ZFR2: variants seen among roughly 807,000 people sequenced by gnomAD.
ZFR2 encodes the protein zinc finger RNA-binding protein 2.
A neutral mutation model predicts 105.7 loss-of-function variants in ZFR2; 104 were observed. The observed-to-expected ratio is 0.98, with a 90% confidence interval of 0.84 to 1.16. The LOEUF (loss-of-function observed/expected upper bound fraction) is 1.16, where lower values mean the gene tolerates loss of function less well. Ranked by LOEUF, ZFR2 falls within the 50% of genes most tolerant of loss-of-function variation. ZFR2 has a pLI of 0.00. For synonymous variants in ZFR2, 634 were observed against 597.7 expected (o/e 1.06, Z -0.89); for missense variants, 1,425 against 1,355.5 (o/e 1.05, Z -0.80).
rs2037921196 is a variant in ZFR2, at chr19:3,823,766, G to C, written c.1214-363C>G. 2.0e-5 allele frequency among the ~76,000 whole-genome samples: 3 copies of C among 152,294 alleles called. No individual in the cohort carries two copies. The South Asian group carries it at 6.2e-4, about 32-fold the overall frequency. ...GTTAGGCGAAATGATGGAGCCTCGGGGGGAGACAAATATCTTTGTTATAAG... is the reference window on the plus strand; with the variant it reads ...GTTAGGCGAAATGATGGAGCCTCGGCGGGAGACAAATATCTTTGTTATAAG... On this transcript the variant is annotated intron_variant, in intron 7 of 18. Coordinates refer to ENST00000262961, the MANE Select transcript of ZFR2 (RefSeq NM_015174.2). The surrounding 1 kb of genome is among the most constrained non-coding windows in gnomAD (Gnocchi z 5.4).
chr19:3,867,304 T>TTTGGG (rs1555762876), intron 1 of ZFR2, among the ~76,000 whole-genome samples: 4 of 149,656 alleles, frequency 2.7e-5, no homozygotes, highest in African/African-American at 9.9e-5. Flanking sequence ...GATCAACTGT[T>TTTGGG]GGGGGGGGAA....
intron 1 of ZFR2, among the ~76,000 whole-genome samples, chr19:3,861,224 G>T (rs1336087377): frequency 6.6e-6 from 1 of 152,140 alleles, no homozygotes; most frequent in Non-Finnish European, 1.5e-5. Flanking sequence ...TACCTTAGGG[G>T]AAAAAAACCT....
chr19:3,829,509 T>G (rs2037989043), intron 5 of ZFR2, among the ~76,000 whole-genome samples: 1 of 151,504 alleles, frequency 6.6e-6, no homozygotes, highest in African/African-American at 2.4e-5. Context: ...TGTTGGTTTT[T>G]GGGGGGTTTT....
intron 1 of ZFR2, among the ~76,000 whole-genome samples, chr19:3,844,174 A>G (rs2038165510): frequency 1.3e-5 from 2 of 152,146 alleles, no homozygotes; most frequent in African/African-American, 4.8e-5. Flanking sequence ...GCACTTATTA[A>G]TAAAACGGTA....
intron 13 of ZFR2, 48 bp from the exon 14 acceptor site, chr19:3,814,006 T>C: frequency 6.2e-7 from 1 of 1,607,894 alleles, no homozygotes; most frequent in Non-Finnish European, 8.5e-7. Flanking sequence ...CAGCCCAGAT[T>C]CATGTGTAAA....
chr19:3,858,555 C>T lies in ZFR2; in HGVS notation c.53+10410G>A, dbSNP rs1331212918. ...GGACTCAGTCAGGTGCAGTGGCTCA[C>T]GCCTATAATCCCAGTGCTTTGGGAG... is the stretch of plus-strand genomic sequence containing the variant. On this transcript the variant is annotated intron_variant, in intron 1 of 18. Coordinates refer to ENST00000262961, the MANE Select transcript of ZFR2 (RefSeq NM_015174.2). The surrounding 1 kb of genome is among the most constrained non-coding windows in gnomAD (Gnocchi z 4.3). Among the ~76,000 whole-genome samples, 4 of 152,230 alleles carry T rather than the reference C, an allele frequency of 2.6e-5. No individual in the cohort carries two copies. The highest frequency in any genetic ancestry group is 4.8e-5 in the African/African-American group (2 of 41,468).
chr19:3,854,595 C>T (rs1338987230), intron 1 of ZFR2, among the ~76,000 whole-genome samples: 2 of 152,136 alleles, frequency 1.3e-5, no homozygotes, highest in Non-Finnish European at 2.9e-5. Flanking sequence ...AGAGAAACCA[C>T]TCAGAGGCTG....
intron 1 of ZFR2, among the ~76,000 whole-genome samples, chr19:3,868,439 G>A (rs1178065557): frequency 4.7e-5 from 7 of 150,292 alleles, no homozygotes; most frequent in Admixed American, 3.3e-4. Context: ...CACCCTCCTA[G>A]GTCTGTGTCT....
chr19:3,819,958 C>T (rs529920196), intron 11 of ZFR2, among the ~76,000 whole-genome samples: 145 of 152,172 alleles, frequency 9.5e-4, no homozygotes, highest in Non-Finnish European at 1.5e-3. Context: ...CCAAGGGAGG[C>T]GACCACCCGG....
At chr19:3,812,629 C>A (rs999723998) in intron 14 of ZFR2, among the ~76,000 whole-genome samples, 1 of 152,116 alleles carries the variant, frequency 6.6e-6, no homozygotes, top group Non-Finnish European at 1.5e-5. Context: ...CAGCCTCCTC[C>A]GCATTTGTGT....
chr19:3,821,703 TC>T (rs1310578417), intron 9 of ZFR2, among the ~76,000 whole-genome samples: 1 of 136,516 alleles, frequency 7.3e-6, no homozygotes, highest in Non-Finnish European at 1.5e-5. Context: ...AACCTCCGCC[TC>T]CCGGGTTCAA....
intron 1 of ZFR2, among the ~76,000 whole-genome samples, chr19:3,862,302 G>C (rs2038382429): frequency 6.6e-6 from 1 of 152,060 alleles, no homozygotes; most frequent in Admixed American, 6.6e-5. Context: ...ACTAACTTTT[G>C]GTTCTTTTCT....
Position 3,819,163 on chromosome 19 carries a change from G to A in ZFR2, c.1813C>T (p.Gln605Ter), listed in dbSNP as rs771467816. The A allele has an allele frequency of 6.2e-7, 1 of 1,602,608 alleles. No individual in the cohort carries two copies. The highest frequency in any genetic ancestry group is 8.5e-7 in the Non-Finnish European group (1 of 1,177,634). The change falls in exon 12 of 19, where the codon CAG becomes TAG. Residue 605 changes from glutamine to a stop codon, truncating the protein, a stop_gained. Coordinates refer to ENST00000262961, the MANE Select transcript of ZFR2 (RefSeq NM_015174.2). LOFTEE classifies it high-confidence loss of function. ...GCCCTCTGCACGGCCAGGAGCTCCT[G>A]CTCCGTGGGGTAGATGGTGGCGTGC... Reference protein sequence around the residue: ...CKHATIYPTEQELLAVQRAVS... With the variant: ...CKHATIYPTE
At chr19:3,817,926 C>T (rs1010549728) in intron 12 of ZFR2, among the ~76,000 whole-genome samples, 1 of 152,212 alleles carries the variant, frequency 6.6e-6, no homozygotes, top group Non-Finnish European at 1.5e-5. Context: ...AAAGGCCACA[C>T]GGTGTGCGAC....
At chr19:3,810,240 G>A (rs891702480) in intron 16 of ZFR2, among the ~76,000 whole-genome samples, 2 of 152,198 alleles carry the variant, frequency 1.3e-5, no homozygotes, top group African/African-American at 4.8e-5. Context: ...GTGGGTTCCC[G>A]GGGTCTCCGT....
At chr19:3,852,244 C>T in intron 1 of ZFR2, 1 of 564,838 alleles carries the variant, frequency 1.8e-6, no homozygotes, top group Non-Finnish European at 3.2e-6. Context: ...AGCTGGATGG[C>T]TCTCCTGGCC....
intron 1 of ZFR2, among the ~76,000 whole-genome samples, chr19:3,850,988 T>C (rs907188339): frequency 6.7e-6 from 1 of 149,004 alleles, no homozygotes; most frequent in Non-Finnish European, 1.5e-5. Flanking sequence ...GAGGTGGCCA[T>C]CTGAAAGCCA....
chr19:3,853,587 T>C (rs2038265470), intron 1 of ZFR2, among the ~76,000 whole-genome samples: 1 of 152,016 alleles, frequency 6.6e-6, no homozygotes, highest in Admixed American at 6.6e-5. Flanking sequence ...CAAAAGGCCA[T>C]ACAATATGTA....
intron 1 of ZFR2, chr19:3,852,262 G>T: frequency 3.4e-6 from 2 of 593,328 alleles, no homozygotes; most frequent in Non-Finnish European, 3.0e-6. Context: ...GCCAGATGGG[G>T]CTCAGCTGGG....
Sources: gnomAD v4.1 joint callset for allele counts (sites outside exome capture counted in the v4.1 genomes callset) on GRCh38, gnomAD v4.1.1 for gene constraint, Gnocchi (gnomAD v3.1) non-coding constraint, MANE v1.5 for transcripts, NCBI Gene and HGNC (gene_info 2026-07-23, HGNC 2026-07-21) for gene names.